SCHIP1: variants seen among roughly 807,000 people sequenced by gnomAD.
The protein encoded by SCHIP1 is schwannomin interacting protein 1, also known as schwannomin-interacting protein 1.
Under a neutral mutation model 29.7 loss-of-function variants are expected in SCHIP1, and 8 were observed. The observed-to-expected ratio is 0.27, with a 90% CI of 0.16 to 0.49. SCHIP1 has a LOEUF of 0.49. SCHIP1 is among the 20% of genes least tolerant of loss of function. SCHIP1 has a pLI of 0.99. For missense variants in SCHIP1, 193 were observed against 294.6 expected (o/e 0.66, Z 2.52); for synonymous variants, 76 against 94.9 (o/e 0.80, Z 1.16).
chr3:159,730,006 T>G, the SCHIP1 span, among the ~76,000 whole-genome samples: 2 of 152,052 alleles, frequency 1.3e-5, no homozygotes, highest in African/African-American at 4.8e-5. Context: ...AGATCACAAT[T>G]TATATCTACA....
At chr3:159,715,916 C>A in the SCHIP1 span, among the ~76,000 whole-genome samples, 1 of 152,124 alleles carries the variant, frequency 6.6e-6, no homozygotes, top group Non-Finnish European at 1.5e-5. Flanking sequence ...AAAGATACTC[C>A]TCAAGAAGAA....
At chr3:159,850,342 T>C (rs776578698) in intron 1 of SCHIP1, among the ~76,000 whole-genome samples, 2 of 151,944 alleles carry the variant, frequency 1.3e-5, no homozygotes, top group Non-Finnish European at 2.9e-5. Flanking sequence ...TCACCTGAGG[T>C]CAGGAGTTCG....
chr3:159,844,645 G>T (rs1711548810), intron 1 of SCHIP1, among the ~76,000 whole-genome samples: 1 of 152,190 alleles, frequency 6.6e-6, no homozygotes, highest in African/African-American at 2.4e-5. Context: ...TTTCTAAATG[G>T]TTTTTGATAG....
At chr3:159,694,906 C>T in the SCHIP1 span, among the ~76,000 whole-genome samples, 1 of 152,126 alleles carries the variant, frequency 6.6e-6, no homozygotes, top group Non-Finnish European at 1.5e-5. Flanking sequence ...TCTATCATAC[C>T]AGGTCCCAAT....
chr3:159,644,824 A>C, the SCHIP1 span, among the ~76,000 whole-genome samples: 1 of 152,136 alleles, frequency 6.6e-6, no homozygotes, highest in South Asian at 2.1e-4. Context: ...AGAGACTATC[A>C]GTCAAAAATA....
the SCHIP1 span, chr3:159,401,440 AC>A: frequency 1.2e-5 from 10 of 833,698 alleles, no homozygotes; most frequent in Admixed American, 5.6e-4. Context: ...CCAGTTTTTT[AC>A]CCTCTCGTTA....
the SCHIP1 span, among the ~76,000 whole-genome samples, chr3:159,579,210 G>C: frequency 6.6e-6 from 1 of 152,194 alleles, no homozygotes; most frequent in Non-Finnish European, 1.5e-5. Context: ...AACAGGTTTT[G>C]TGGTAAGTAT....
chr3:159,609,565 C>A, the SCHIP1 span, among the ~76,000 whole-genome samples: 1 of 151,930 alleles, frequency 6.6e-6, no homozygotes, highest in Non-Finnish European at 1.5e-5. Flanking sequence ...GACTAAGGTT[C>A]AACCAAAAAG....
the SCHIP1 span, among the ~76,000 whole-genome samples, chr3:159,750,261 G>GTGTATA: frequency 8.5e-5 from 1 of 11,806 alleles, no homozygotes; most frequent in Non-Finnish European, 3.2e-4. Context: ...GTATGTGTGT[G>GTGTATA]TGTATATATA....
At chr3:159,796,511 C>T in the SCHIP1 span, among the ~76,000 whole-genome samples, 17 of 152,058 alleles carry the variant, frequency 1.1e-4, no homozygotes, top group African/African-American at 2.2e-4. Context: ...AGGAAAGCAG[C>T]GATGTAAAAT....
the SCHIP1 span, among the ~76,000 whole-genome samples, chr3:159,397,333 T>G: frequency 3.9e-5 from 6 of 152,358 alleles, no homozygotes; most frequent in Admixed American, 6.5e-5. Flanking sequence ...TTAAAGTCAT[T>G]CTCCGTCCAG....
chr3:159,311,747 T>C, the SCHIP1 span, among the ~76,000 whole-genome samples: 236 of 152,266 alleles, frequency 1.5e-3, no homozygotes, highest in African/African-American at 5.3e-3. Flanking sequence ...TAAAAAATAA[T>C]AGGGAAAATG....
the SCHIP1 span, among the ~76,000 whole-genome samples, chr3:159,441,383 T>C: frequency 6.6e-6 from 1 of 152,088 alleles, no homozygotes; most frequent in East Asian, 1.9e-4. Context: ...TTCACAACCA[T>C]CATATAAATT....
At chr3:159,721,846 T>A in the SCHIP1 span, 1 of 399,848 alleles carries the variant, frequency 2.5e-6, no homozygotes. Flanking sequence ...GCATTGATGC[T>A]GAGGTCCACC....
intron 1 of SCHIP1, among the ~76,000 whole-genome samples, chr3:159,865,699 A>G (rs1346604112): frequency 6.6e-6 from 1 of 152,208 alleles, no homozygotes; most frequent in African/African-American, 2.4e-5. Flanking sequence ...CAGAGGCTGC[A>G]TGTTGGTGAA....
At chr3:159,446,330 G>T in the SCHIP1 span, among the ~76,000 whole-genome samples, 6 of 152,130 alleles carry the variant, frequency 3.9e-5, no homozygotes, top group South Asian at 1.0e-3. Context: ...GATATAACTT[G>T]CAAGAAACAA....
At chr3:159,302,072 A>T in the SCHIP1 span, among the ~76,000 whole-genome samples, 5 of 152,234 alleles carry the variant, frequency 3.3e-5, no homozygotes, top group African/African-American at 1.2e-4. Flanking sequence ...ATGGAAAGAA[A>T]AAGATCACTT....
the SCHIP1 span, among the ~76,000 whole-genome samples, chr3:159,351,105 A>G: frequency 6.6e-6 from 1 of 152,150 alleles, no homozygotes; most frequent in Non-Finnish European, 1.5e-5. Context: ...CAGACAACCA[A>G]TGGAGGAACT....
chr3:159,714,765 G>A, the SCHIP1 span, among the ~76,000 whole-genome samples: 1 of 152,218 alleles, frequency 6.6e-6, no homozygotes, highest in Non-Finnish European at 1.5e-5. Context: ...ACTGGGTGGA[G>A]CCCACCTCAG....
Sources: allele counts gnomAD v4.1 joint callset (sites outside exome capture counted in the v4.1 genomes callset), GRCh38; gene constraint gnomAD v4.1.1; transcripts MANE v1.5; gene names NCBI Gene and HGNC (gene_info 2026-07-23, HGNC 2026-07-21).